Variants in DPP10 observed in about 807,000 individuals in gnomAD.
DPP10 encodes the protein inactive dipeptidyl peptidase 10.
In DPP10, 33 loss-of-function variants were observed where a neutral mutation model predicts 120.9. The ratio of observed to expected loss-of-function variants is 0.27; its 90% CI spans 0.21 to 0.37. The LOEUF (loss-of-function observed/expected upper bound fraction) is 0.37. Among genes scored for constraint, DPP10 ranks in the 10% least tolerant of loss-of-function variants. DPP10 has a pLI of 1.00. For missense variants in DPP10, 816 were observed against 942.8 expected (o/e 0.87, Z 1.76); for synonymous variants, 337 against 326.1 (o/e 1.03, Z -0.36).
At position 115,045,299 on chromosome 2, in the gene DPP10, G is replaced by A. The variant is rs557335584; in HGVS notation, c.61-263940G>A. ...TATATAGTCTGCTGCCAGATATATT[G>A]GAATGCCTTTGTGTGTTATTTTTTC... is the stretch of plus-strand genomic sequence containing the variant. On this transcript the variant is annotated intron_variant, in intron 1 of 25. Transcript: ENST00000410059. Among the ~76,000 whole-genome samples the A allele has an allele frequency of 3.6e-4, 55 of 152,118 alleles. No homozygotes were observed. The South Asian group carries it at 0.011, about 31-fold the overall frequency.
At chr2:115,102,165 G>T (rs2048720044) in intron 1 of DPP10, among the ~76,000 whole-genome samples, 1 of 152,152 alleles carries the variant, frequency 6.6e-6, no homozygotes. Flanking sequence ...TTCCTGGCTT[G>T]CAGACAGCTG....
chr2:114,793,306 C>A (rs113523269), intron 1 of DPP10, among the ~76,000 whole-genome samples: 1 of 152,024 alleles, frequency 6.6e-6, no homozygotes, highest in Non-Finnish European at 1.5e-5. Flanking sequence ...TAGTCCCCCA[C>A]CCCCAGACAA....
At position 114,762,058 on chromosome 2, in the gene DPP10, C is replaced by A. The variant is rs144983532; in HGVS notation, c.60+319220C>A. ...TTCACTCTCCCCCGTCTAAGCACAC[C>A]CAGAAGAAATTCATGAAGCAGATGC... On this transcript the variant is annotated intron_variant, in intron 1 of 25. Coordinates refer to ENST00000410059, the MANE Select transcript of DPP10 (RefSeq NM_020868.6). 3.2e-3 allele frequency among the ~76,000 whole-genome samples: 486 copies of A among 152,242 alleles called. 1 individual carries two copies. Among genetic ancestry groups the A allele is most frequent in the Non-Finnish European group, 5.0e-3 (342 of 68,016 alleles).
At chr2:115,513,402 C>G (rs1409480704) in intron 4 of DPP10, among the ~76,000 whole-genome samples, 1 of 151,616 alleles carries the variant, frequency 6.6e-6, no homozygotes, top group Non-Finnish European at 1.5e-5. Context: ...CATATATTGG[C>G]CATTTATTTA....
At chr2:114,726,723 T>G (rs1328843247) in intron 1 of DPP10, among the ~76,000 whole-genome samples, 2 of 152,242 alleles carry the variant, frequency 1.3e-5, no homozygotes. Flanking sequence ...AGCCATGTTT[T>G]AACATCAACT....
chr2:114,949,790 A>G (rs78126155), intron 1 of DPP10, among the ~76,000 whole-genome samples: 2,181 of 152,270 alleles, frequency 0.014, 49 homozygotes, highest in African/African-American at 0.051. Flanking sequence ...ATGGGGAGGG[A>G]GGAAACAATG....
In DPP10 at chr2:115,274,353, A is replaced by T. The variant is rs180921229; in HGVS notation, c.61-34886A>T. On this transcript the variant is annotated intron_variant, in intron 1 of 25. Coordinates refer to ENST00000410059, the MANE Select transcript of DPP10 (RefSeq NM_020868.6). ...CCTGCAGAATTAGCCATACTTTGAC[A>T]TTAAAACTATTACATTGCCATCCTC... Among the ~76,000 whole-genome samples the T allele has an allele frequency of 1.3e-3, 202 of 152,326 alleles. 1 individual carries two copies. The highest frequency in any genetic ancestry group is 4.8e-3 in the African/African-American group (199 of 41,574).
chr2:114,448,591 C>T (rs1678078960), intron 1 of DPP10, among the ~76,000 whole-genome samples: 1 of 152,108 alleles, frequency 6.6e-6, no homozygotes, highest in African/African-American at 2.4e-5. Flanking sequence ...TGGGGTAGGG[C>T]CCAGCAATCT....
rs1300833597 is a variant in DPP10, at chr2:115,318,933, G to A, written c.175+9580G>A. On this transcript the variant is annotated intron_variant, in intron 2 of 25. Coordinates refer to ENST00000410059, the MANE Select transcript of DPP10 (RefSeq NM_020868.6). ...TTTTCTTGTCTAGTTACTCTGGCTA[G>A]AATTTCCAGTACAATGCTGGATAAC... 3.9e-5 allele frequency among the ~76,000 whole-genome samples: 6 copies of A among 152,210 alleles called. No individual in the cohort carries two copies. In the East Asian group the frequency reaches 1.2e-3, roughly 29 times the overall value.
At chr2:114,459,264 T>G (rs1170803442) in intron 1 of DPP10, among the ~76,000 whole-genome samples, 1 of 152,216 alleles carries the variant, frequency 6.6e-6, no homozygotes, top group African/African-American at 2.4e-5. Context: ...GCATGTAACA[T>G]GTACTACTAG....
chr2:114,477,965 G>A (rs1680661576), intron 1 of DPP10, among the ~76,000 whole-genome samples: 1 of 150,224 alleles, frequency 6.7e-6, no homozygotes, highest in African/African-American at 2.5e-5. Flanking sequence ...GTGTGTATAT[G>A]TATATATGTG....
At chr2:114,837,802 C>A (rs372006262) in intron 1 of DPP10, among the ~76,000 whole-genome samples, 1 of 152,088 alleles carries the variant, frequency 6.6e-6, no homozygotes, top group East Asian at 1.9e-4. Flanking sequence ...TCATTATTTT[C>A]TCTGTCTTTT....
intron 1 of DPP10, among the ~76,000 whole-genome samples, chr2:115,114,431 CTA>C (rs1165042011): frequency 6.6e-6 from 1 of 152,210 alleles, no homozygotes; most frequent in African/African-American, 2.4e-5. Flanking sequence ...AAGCATTCTA[CTA>C]TGTCTGCATG....
chr2:115,151,318 C>T (rs1231533469), intron 1 of DPP10, among the ~76,000 whole-genome samples: 3 of 151,724 alleles, frequency 2.0e-5, no homozygotes, highest in Non-Finnish European at 4.4e-5. Flanking sequence ...AATTTTACTT[C>T]GTGTTGATTG....
At chr2:115,321,562 C>A (rs576716621) in intron 2 of DPP10, among the ~76,000 whole-genome samples, 245 of 102,954 alleles carry the variant, frequency 2.4e-3, no homozygotes, top group African/African-American at 8.3e-3. Context: ...ACATATAGTT[C>A]TATGTCCTTT....
intron 1 of DPP10, among the ~76,000 whole-genome samples, chr2:114,567,006 C>T (rs1689254503): frequency 6.6e-6 from 1 of 152,152 alleles, no homozygotes; most frequent in Admixed American, 6.5e-5. Flanking sequence ...CCAGAGTGGG[C>T]TGAGAGAGCT....
chr2:114,683,214 A>G (rs1699140828), intron 1 of DPP10, among the ~76,000 whole-genome samples: 1 of 152,012 alleles, frequency 6.6e-6, no homozygotes, highest in African/African-American at 2.4e-5. Flanking sequence ...GACTCAATGT[A>G]TGGTAAATTC....
chr2:114,999,423 G>C (rs747464231), intron 1 of DPP10, among the ~76,000 whole-genome samples: 2 of 152,036 alleles, frequency 1.3e-5, no homozygotes, highest in Non-Finnish European at 2.9e-5. Flanking sequence ...TTGCCATGTC[G>C]AATTATTCAC....
intron 1 of DPP10, among the ~76,000 whole-genome samples, chr2:114,845,935 G>A (rs991685012): frequency 6.6e-6 from 1 of 152,008 alleles, no homozygotes; most frequent in Non-Finnish European, 1.5e-5. Context: ...AGCTTGGGGA[G>A]TTATGTGCTA....
Sources: gnomAD v4.1 joint callset for allele counts (sites outside exome capture counted in the v4.1 genomes callset) on GRCh38, gnomAD v4.1.1 for gene constraint, MANE v1.5 for transcripts, NCBI Gene and HGNC (gene_info 2026-07-23, HGNC 2026-07-21) for gene names.